RBFOX1: variants seen among roughly 807,000 people sequenced by gnomAD.
RBFOX1 encodes RNA binding protein fox-1 homolog 1.
Under a neutral mutation model 57.7 loss-of-function variants are expected in RBFOX1, and 8 were observed. The ratio of observed to expected loss-of-function variants is 0.14; its 90% CI spans 0.08 to 0.25. The LOEUF (loss-of-function observed/expected upper bound fraction) is 0.25, where lower values mean the gene tolerates loss of function less well. RBFOX1 is among the 10% of genes least tolerant of loss of function. RBFOX1 has a pLI of 1.00. For missense variants in RBFOX1, 611 were observed against 548.5 expected, an observed-to-expected ratio of 1.11 and a Z score of -1.14; for synonymous variants, 326 against 222.4, an observed-to-expected ratio of 1.47 and a Z score of -4.15.
chr16:5,358,992 C>T (rs1180630407), intron 1 of RBFOX1, among the ~76,000 whole-genome samples: 1 of 152,166 alleles, frequency 6.6e-6, no homozygotes, highest in African/African-American at 2.4e-5. Flanking sequence ...GGTGGCCATC[C>T]TTCTACTCTC....
chr16:7,639,282 T>C (rs1048269801), intron 11 of RBFOX1, among the ~76,000 whole-genome samples: 1 of 152,186 alleles, frequency 6.6e-6, no homozygotes, highest in African/African-American at 2.4e-5. Flanking sequence ...CTTTCAACAA[T>C]GCTGGCTCTA....
intron 3 of RBFOX1, among the ~76,000 whole-genome samples, chr16:5,649,224 G>A (rs1372530213): frequency 6.6e-6 from 1 of 151,850 alleles, no homozygotes; most frequent in African/African-American, 2.4e-5. Context: ...ACCCAGGTTG[G>A]AGTGCACAAT....
chr16:5,246,964 C>A (rs941236620), intron 1 of RBFOX1, among the ~76,000 whole-genome samples: 2 of 152,222 alleles, frequency 1.3e-5, no homozygotes, highest in African/African-American at 4.8e-5. Context: ...AGCCACCATG[C>A]CTCGCTGAGT....
chr16:7,217,871 CGTGTGTGCAT>C (rs764829333), intron 4 of RBFOX1, among the ~76,000 whole-genome samples: 15 of 151,590 alleles, frequency 9.9e-5, no homozygotes, highest in African/African-American at 1.9e-4. Context: ...TGTGTACACG[CGTGTGTGCAT>C]GTGTGTGCAT....
chr16:7,496,802 G>C (rs1361782543), intron 4 of RBFOX1, among the ~76,000 whole-genome samples: 1 of 143,172 alleles, frequency 7.0e-6, no homozygotes, highest in Non-Finnish European at 1.5e-5. Context: ...TTTTCTTTTA[G>C]AAAATAAAAA....
At chr16:5,701,381 T>C (rs1428630067) in intron 3 of RBFOX1, among the ~76,000 whole-genome samples, 3 of 152,230 alleles carry the variant, frequency 2.0e-5, no homozygotes, top group African/African-American at 7.2e-5. Context: ...GGAGAATATA[T>C]TGTGATGCCT....
intron 1 of RBFOX1, among the ~76,000 whole-genome samples, chr16:6,182,777 TA>T (rs2097074448): frequency 6.6e-6 from 1 of 152,224 alleles, no homozygotes; most frequent in Non-Finnish European, 1.5e-5. Flanking sequence ...TTTATGCTCT[TA>T]CTGAAACATA....
chr16:6,505,994 C>G (rs143587212), intron 2 of RBFOX1, among the ~76,000 whole-genome samples: 1 of 152,262 alleles, frequency 6.6e-6, no homozygotes, highest in African/African-American at 2.4e-5. Context: ...AATAGCAAAC[C>G]TCTAATTACT....
chr16:7,160,873 C>G (rs917570278), intron 4 of RBFOX1, among the ~76,000 whole-genome samples: 1 of 150,090 alleles, frequency 6.7e-6, no homozygotes, highest in African/African-American at 2.5e-5. Flanking sequence ...TTTCTTCGTT[C>G]AATCTTGGAA....
chr16:7,218,917 C>G (rs985082786), intron 4 of RBFOX1, among the ~76,000 whole-genome samples: 8 of 152,126 alleles, frequency 5.3e-5, no homozygotes, highest in African/African-American at 1.7e-4. Flanking sequence ...ACAATCTTCT[C>G]TCTTGGGTTT....
At chr16:7,234,752 A>G (rs2093685302) in intron 4 of RBFOX1, among the ~76,000 whole-genome samples, 1 of 151,478 alleles carries the variant, frequency 6.6e-6, no homozygotes, top group South Asian at 2.1e-4. Context: ...CCTGTGCTGA[A>G]CGGAGAAGTC....
At chr16:7,026,122 G>C (rs755778780) in intron 3 of RBFOX1, among the ~76,000 whole-genome samples, 8 of 152,156 alleles carry the variant, frequency 5.3e-5, no homozygotes, top group Non-Finnish European at 1.2e-4. Flanking sequence ...GGCCAGGGTG[G>C]AAATGGCAGC....
rs537847702 is a variant in RBFOX1 at position 6,136,412 on chromosome 16, T to A, written c.-127+116420T>A. ...CAGGTGTTGCAGAGTAGGAAACAAG[T>A]TGAGACATACTGAGGCAATTACAGA... is the stretch of plus-strand genomic sequence containing the variant. On this transcript the variant is annotated intron_variant, in intron 1 of 15. Transcript: ENST00000550418. Among the ~76,000 whole-genome samples, 53 of 152,244 alleles carry A rather than the reference T, an allele frequency of 3.5e-4. 1 individual carries two copies. The South Asian group carries it at 0.011, about 32-fold the overall frequency.
chr16:6,490,130 G>A (rs2095599011), intron 2 of RBFOX1, among the ~76,000 whole-genome samples: 1 of 152,172 alleles, frequency 6.6e-6, no homozygotes, highest in Admixed American at 6.5e-5. Context: ...GAATGACCAT[G>A]CCTATCTCAG....
chr16:6,256,175 A>ATATATG lies in RBFOX1; in HGVS notation c.-126-60815_-126-60814insGTATAT, dbSNP rs71145207. ...TATATATATGTATATATATATGTATATATATATATACGTATATATATGTAT... is the reference window on the plus strand; with the variant it reads ...TATATATATGTATATATATATGTATATATATGTATATATATACGTATATATATGTAT... On this transcript the variant is annotated intron_variant, in intron 1 of 15. Coordinates refer to ENST00000550418, the MANE Select transcript of RBFOX1 (RefSeq NM_018723.4). Among the ~76,000 whole-genome samples the ATATATG allele has an allele frequency of 9.5e-3, 269 of 28,202 alleles. 15 individuals carry two copies. Among genetic ancestry groups the ATATATG allele is most frequent in the South Asian group, 0.023 (10 of 444 alleles). 18.5% of individuals were successfully genotyped at this position (28,202 alleles called of 152,430 possible). A position where few individuals can be genotyped will look rare whatever the true frequency, so the allele number is the denominator to read the frequency against.
intron 14 of RBFOX1, among the ~76,000 whole-genome samples, chr16:7,681,260 G>T (rs115735531): frequency 2.6e-5 from 4 of 152,122 alleles, no homozygotes; most frequent in Non-Finnish European, 5.9e-5. Flanking sequence ...GAGATAAATC[G>T]ATACATAGGT....
intron 3 of RBFOX1, among the ~76,000 whole-genome samples, chr16:7,004,677 A>G (rs1473324129): frequency 6.6e-6 from 1 of 152,258 alleles, no homozygotes; most frequent in Admixed American, 6.5e-5. Flanking sequence ...TATATAGGGA[A>G]AATATACAAA....
intron 3 of RBFOX1, among the ~76,000 whole-genome samples, chr16:5,670,082 A>G (rs1596674795): frequency 6.6e-6 from 1 of 152,144 alleles, no homozygotes; most frequent in African/African-American, 2.4e-5. Context: ...GCCAGACACA[A>G]AAGGTCACAG....
intron 3 of RBFOX1, among the ~76,000 whole-genome samples, chr16:5,729,506 C>A (rs1238397001): frequency 6.7e-6 from 1 of 149,318 alleles, no homozygotes; most frequent in Non-Finnish European, 1.5e-5. Context: ...AAAATCACAG[C>A]ATGGGGATTC....
Sources: allele counts gnomAD v4.1 joint callset (sites outside exome capture counted in the v4.1 genomes callset), GRCh38; gene constraint gnomAD v4.1.1; transcripts MANE v1.5; gene names NCBI Gene and HGNC (gene_info 2026-07-23, HGNC 2026-07-21).